Variants in ROR2 observed in about 807,000 individuals in gnomAD.
ROR2 encodes ROR family WNT receptor 2.
In ROR2, 33 loss-of-function variants were observed where a neutral mutation model predicts 74.9. The observed-to-expected ratio is 0.44, with a 90% CI of 0.33 to 0.59. The LOEUF (loss-of-function observed/expected upper bound fraction) is 0.59, where lower values mean the gene tolerates loss of function less well. ROR2 is among the 20% of genes least tolerant of loss of function. The pLI, the probability that ROR2 is intolerant of heterozygous loss-of-function variation, is 0.02. For missense variants in ROR2, 1,216 were observed against 1,313.8 expected, an observed-to-expected ratio of 0.93 and a Z score of 1.15; for synonymous variants, 586 against 558.7, an observed-to-expected ratio of 1.05 and a Z score of -0.69.
At chr9:91,798,709 G>A (rs1171424524) in intron 1 of ROR2, among the ~76,000 whole-genome samples, 2 of 152,002 alleles carry the variant, frequency 1.3e-5, no homozygotes, top group Non-Finnish European at 2.9e-5. Context: ...TGACACCCTG[G>A]GCCCTGCTAT....
At chr9:91,896,463 A>G (rs1399284031) in intron 1 of ROR2, among the ~76,000 whole-genome samples, 2 of 152,212 alleles carry the variant, frequency 1.3e-5, no homozygotes, top group African/African-American at 2.4e-5. Flanking sequence ...CGGCTTCTGG[A>G]AAGATCTCAC....
intron 1 of ROR2, among the ~76,000 whole-genome samples, chr9:91,942,823 A>G (rs1831911175): frequency 6.6e-6 from 1 of 152,166 alleles, no homozygotes; most frequent in Non-Finnish European, 1.5e-5. Context: ...GAACTAAAAG[A>G]GGCAAAAAAG....
intron 7 of ROR2, among the ~76,000 whole-genome samples, chr9:91,727,682 C>T (rs72744454): frequency 0.071 from 10,820 of 152,006 alleles, 471 homozygotes; most frequent in African/African-American, 0.12. Context: ...CAGAAAACCA[C>T]GGTGTTCTGT....
At chr9:91,873,888 A>G (rs1445845744) in intron 1 of ROR2, among the ~76,000 whole-genome samples, 1 of 152,126 alleles carries the variant, frequency 6.6e-6, no homozygotes, top group Non-Finnish European at 1.5e-5. Flanking sequence ...GCTGTAAATT[A>G]CCTTTGACAA....
At chr9:91,850,530 A>G (rs188132234) in intron 1 of ROR2, among the ~76,000 whole-genome samples, 164 of 152,312 alleles carry the variant, frequency 1.1e-3, no homozygotes, top group African/African-American at 3.7e-3. Flanking sequence ...GGCTCTGAAG[A>G]TGGACAAGGG....
chr9:91,856,782 C>T (rs1442087056), intron 1 of ROR2, among the ~76,000 whole-genome samples: 1 of 152,248 alleles, frequency 6.6e-6, no homozygotes, highest in East Asian at 1.9e-4. Context: ...ACCTCCTAAA[C>T]AGATGGCCCA....
intron 1 of ROR2, among the ~76,000 whole-genome samples, chr9:91,785,622 A>T (rs1231904713): frequency 6.6e-6 from 1 of 152,190 alleles, no homozygotes; most frequent in Non-Finnish European, 1.5e-5. Context: ...TCACTGTCTG[A>T]AGGCTGGGGC....
intron 1 of ROR2, among the ~76,000 whole-genome samples, chr9:91,867,732 A>T (rs1411423504): frequency 6.7e-6 from 1 of 149,414 alleles, no homozygotes; most frequent in Non-Finnish European, 1.5e-5. Flanking sequence ...TGAGAACAGA[A>T]CTGCACAGCA....
chr9:91,880,166 G>GA (rs945201680), intron 1 of ROR2, among the ~76,000 whole-genome samples: 5 of 150,908 alleles, frequency 3.3e-5, no homozygotes, highest in Non-Finnish European at 7.4e-5. Flanking sequence ...GTCCTTATAA[G>GA]AAAAAAAAAG....
chr9:91,848,761 GA>G (rs1355237370), intron 1 of ROR2, among the ~76,000 whole-genome samples: 1 of 96,620 alleles, frequency 1.0e-5, no homozygotes, highest in Non-Finnish European at 2.0e-5. Flanking sequence ...TCTCAGGGGG[GA>G]AGAAAAAAAA....
chr9:91,838,530 G>A (rs1419990414), intron 1 of ROR2, among the ~76,000 whole-genome samples: 1 of 152,140 alleles, frequency 6.6e-6, no homozygotes, highest in Non-Finnish European at 1.5e-5. Flanking sequence ...CCCTGAGATC[G>A]GACTGCGGGG....
intron 1 of ROR2, among the ~76,000 whole-genome samples, chr9:91,812,635 G>C (rs1827799583): frequency 1.3e-5 from 2 of 151,988 alleles, no homozygotes; most frequent in South Asian, 4.2e-4. Flanking sequence ...TTGGATTGGA[G>C]CTGGGTGTGT....
intron 1 of ROR2, among the ~76,000 whole-genome samples, chr9:91,825,247 G>C (rs950273911): frequency 1.3e-5 from 2 of 152,144 alleles, no homozygotes; most frequent in African/African-American, 2.4e-5. Flanking sequence ...AAGCTTGCTC[G>C]AGCCACACCC....
At chr9:91,892,846 T>C (rs1357138101) in intron 1 of ROR2, among the ~76,000 whole-genome samples, 1 of 152,134 alleles carries the variant, frequency 6.6e-6, no homozygotes, top group Non-Finnish European at 1.5e-5. Flanking sequence ...CGCCTCAGCC[T>C]CCCAAAGTGC....
chr9:91,831,393 C>T (rs541082724), intron 1 of ROR2, among the ~76,000 whole-genome samples: 2 of 152,078 alleles, frequency 1.3e-5, no homozygotes, highest in South Asian at 4.1e-4. Context: ...TGGAAGGGAC[C>T]AGCCGCGTTT....
At chr9:91,933,665 T>A (rs940884561) in intron 1 of ROR2, among the ~76,000 whole-genome samples, 2 of 152,106 alleles carry the variant, frequency 1.3e-5, no homozygotes, top group African/African-American at 4.8e-5. Context: ...TCACTGTGTA[T>A]AAAAACAAAG....
At chr9:91,738,984 G>C (rs1336447094) in intron 4 of ROR2, among the ~76,000 whole-genome samples, 1 of 152,202 alleles carries the variant, frequency 6.6e-6, no homozygotes, top group Non-Finnish European at 1.5e-5. Context: ...GTGGTGCTCA[G>C]GACCCTCCAA....
chr9:91,846,243 G>C (rs1219547874), intron 1 of ROR2, among the ~76,000 whole-genome samples: 2 of 152,198 alleles, frequency 1.3e-5, no homozygotes, highest in African/African-American at 4.8e-5. Context: ...ATATGTCAAA[G>C]CCTGAACCTC....
intron 1 of ROR2, among the ~76,000 whole-genome samples, chr9:91,789,617 T>G (rs1343926897): frequency 6.6e-6 from 1 of 152,176 alleles, no homozygotes. Flanking sequence ...AAAATTAAGT[T>G]AGTACTAATC....
Sources: gnomAD v4.1 joint callset for allele counts (sites outside exome capture counted in the v4.1 genomes callset) on GRCh38, gnomAD v4.1.1 for gene constraint, MANE v1.5 for transcripts, NCBI Gene and HGNC (gene_info 2026-07-23, HGNC 2026-07-21) for gene names.